ZCCHC7: variants seen among roughly 807,000 people sequenced by gnomAD.
ZCCHC7 encodes zinc finger CCHC domain-containing protein 7.
Under a neutral mutation model 52.0 loss-of-function variants are expected in ZCCHC7, and 35 were observed. The observed-to-expected ratio is 0.67, with a 90% CI of 0.51 to 0.89. ZCCHC7 has a LOEUF of 0.89. Among genes scored for constraint, ZCCHC7 ranks in the 40% least tolerant of loss-of-function variants. The pLI is 0.00. For missense variants in ZCCHC7, 574 were observed against 649.1 expected (o/e 0.88, Z 1.26); for synonymous variants, 217 against 221.5 (o/e 0.98, Z 0.18).
chr9:37,144,748 A>G (rs987209411), intron 2 of ZCCHC7, among the ~76,000 whole-genome samples: 3 of 151,916 alleles, frequency 2.0e-5, no homozygotes, highest in Admixed American at 6.6e-5. Context: ...CTTTTGTTGT[A>G]AGGTACAGAC....
intron 2 of ZCCHC7, among the ~76,000 whole-genome samples, chr9:37,157,795 A>T (rs749833705): frequency 2.0e-5 from 3 of 152,238 alleles, no homozygotes; most frequent in Non-Finnish European, 4.4e-5. Flanking sequence ...ATGATAACAA[A>T]TAGTGGTGAA....
chr9:37,206,877 A>C (rs1305296806), intron 2 of ZCCHC7, among the ~76,000 whole-genome samples: 1 of 152,026 alleles, frequency 6.6e-6, no homozygotes. Flanking sequence ...TGTGTGTCTA[A>C]AAGTGTTTCA....
At chr9:37,277,544 A>T (rs1191428729) in intron 2 of ZCCHC7, among the ~76,000 whole-genome samples, 1 of 152,198 alleles carries the variant, frequency 6.6e-6, no homozygotes, top group South Asian at 2.1e-4. Flanking sequence ...ACCAAACCAA[A>T]GTGGGCAGAA....
intron 2 of ZCCHC7, among the ~76,000 whole-genome samples, chr9:37,294,785 A>G (rs1177143714): frequency 6.6e-6 from 1 of 152,142 alleles, no homozygotes; most frequent in Non-Finnish European, 1.5e-5. Context: ...AACTGGATAG[A>G]TAAAATAGAT....
At chr9:37,298,032 A>G (rs1026949895) in intron 2 of ZCCHC7, among the ~76,000 whole-genome samples, 2 of 152,222 alleles carry the variant, frequency 1.3e-5, no homozygotes, top group Admixed American at 6.5e-5. Flanking sequence ...ACAAAATACA[A>G]GTCGCCCTTT....
intron 6 of ZCCHC7, among the ~76,000 whole-genome samples, chr9:37,330,691 A>G (rs1381208518): frequency 6.6e-6 from 1 of 151,696 alleles, no homozygotes; most frequent in African/African-American, 2.4e-5. Flanking sequence ...CATTTCTGCT[A>G]CATTTTCAGA....
At position 37,164,498 on chromosome 9, in the gene ZCCHC7, TAGAC is replaced by T. The variant is rs1554705358; in HGVS notation, c.610+37562_610+37565del. ...ATAGATAGATAGATAGATAGATAGA[TAGAC>T]AGACAAGATAGATAGACTCTGTCTC... On this transcript the variant is annotated intron_variant, in intron 2 of 8. Coordinates refer to ENST00000336755, the MANE Select transcript of ZCCHC7 (RefSeq NM_032226.3). 1.9e-4 allele frequency among the ~76,000 whole-genome samples: 25 copies of T among 135,006 alleles called. No individual in the cohort carries two copies. The South Asian group carries it at 3.6e-3, about 19-fold the overall frequency. 88.6% of individuals were successfully genotyped at this position (135,006 alleles called of 152,430 possible).
intron 6 of ZCCHC7, among the ~76,000 whole-genome samples, chr9:37,338,469 G>A (rs1172843261): frequency 6.6e-6 from 1 of 152,102 alleles, no homozygotes; most frequent in African/African-American, 2.4e-5. Context: ...ATAAAGTAGT[G>A]CAAGACCTTG....
intron 7 of ZCCHC7, among the ~76,000 whole-genome samples, chr9:37,352,828 AG>A (rs1821472744): frequency 6.6e-6 from 1 of 151,892 alleles, no homozygotes. Context: ...CCCTGCCAAA[AG>A]CGTTTCTTTA....
intron 2 of ZCCHC7, among the ~76,000 whole-genome samples, chr9:37,151,965 C>T (rs906433349): frequency 2.6e-5 from 4 of 152,020 alleles, no homozygotes; most frequent in Non-Finnish European, 4.4e-5. Flanking sequence ...TTTCCTCACA[C>T]AAAGTAAAAA....
chr9:37,259,419 T>C (rs1398433186), intron 2 of ZCCHC7, among the ~76,000 whole-genome samples: 1 of 152,178 alleles, frequency 6.6e-6, no homozygotes, highest in African/African-American at 2.4e-5. Context: ...TTTATACTTT[T>C]ATAAAGTTTC....
At chr9:37,161,953 A>G (rs1821130837) in intron 2 of ZCCHC7, among the ~76,000 whole-genome samples, 1 of 152,180 alleles carries the variant, frequency 6.6e-6, no homozygotes, top group Non-Finnish European at 1.5e-5. Flanking sequence ...CCTAGGCAAC[A>G]TGGTGAGACC....
In ZCCHC7 at chr9:37,120,576, C is replaced by T; in HGVS notation, c.-69C>T. On this transcript the variant is annotated 5_prime_UTR_variant, in exon 1 of 9. Transcript: ENST00000336755. ...TTTGTCCTCGCCCCTCCCCGTCCCT[C>T]TACGCGTTTTGGTTCCCGGTTGGTG... The T allele has an allele frequency of 2.5e-6, 1 of 399,412 alleles. No individual in the cohort carries two copies. Among genetic ancestry groups the T allele is most frequent in the Non-Finnish European group, 4.4e-6 (1 of 226,378 alleles). The allele number at this position is 399,412 out of a possible 1,614,324, so 24.7% of individuals were successfully genotyped here.
At chr9:37,265,921 C>G (rs535653278) in intron 2 of ZCCHC7, among the ~76,000 whole-genome samples, 1 of 152,216 alleles carries the variant, frequency 6.6e-6, no homozygotes, top group South Asian at 2.1e-4. Flanking sequence ...TACCTCTTTT[C>G]TCATCCTCAA....
At chr9:37,143,805 T>C (rs1843326688) in intron 2 of ZCCHC7, among the ~76,000 whole-genome samples, 1 of 151,874 alleles carries the variant, frequency 6.6e-6, no homozygotes, top group Non-Finnish European at 1.5e-5. Context: ...ATTGCTAATG[T>C]TCAATTAAGT....
At chr9:37,203,073 G>A (rs1303846338) in intron 2 of ZCCHC7, among the ~76,000 whole-genome samples, 1 of 152,220 alleles carries the variant, frequency 6.6e-6, no homozygotes, top group Non-Finnish European at 1.5e-5. Context: ...ACTAGGAAGT[G>A]CAGGGTGGTA....
At chr9:37,126,291 G>A in intron 1 of ZCCHC7, 21 bp from the exon 2 acceptor site, 2 of 1,576,158 alleles carry the variant, frequency 1.3e-6, no homozygotes, top group East Asian at 4.5e-5. Flanking sequence ...TATATTCTGT[G>A]TACAACTTTC....
At chr9:37,186,836 T>C (rs1822686165) in intron 2 of ZCCHC7, 2 of 383,108 alleles carry the variant, frequency 5.2e-6, no homozygotes, top group Admixed American at 4.6e-5. Context: ...TTTGTTTCTG[T>C]GTATCTGAAT....
intron 2 of ZCCHC7, among the ~76,000 whole-genome samples, chr9:37,270,008 G>A (rs1588583451): frequency 6.6e-6 from 1 of 152,120 alleles, no homozygotes; most frequent in African/African-American, 2.4e-5. Flanking sequence ...GTTTTATTTG[G>A]TAGCCATTAG....
Sources: gnomAD v4.1 joint callset for allele counts (sites outside exome capture counted in the v4.1 genomes callset) on GRCh38, gnomAD v4.1.1 for gene constraint, MANE v1.5 for transcripts, NCBI Gene and HGNC (gene_info 2026-07-23, HGNC 2026-07-21) for gene names.